Variants in EYS observed in about 807,000 individuals in gnomAD.
The protein encoded by EYS is EGF-like photoreceptor maintenance factor.
In EYS, 250 loss-of-function variants were observed where a neutral mutation model predicts 282.1. The ratio of observed to expected loss-of-function variants is 0.89; its 90% CI spans 0.80 to 0.98. The LOEUF (loss-of-function observed/expected upper bound fraction) is 0.98. EYS is among the 50% of genes least tolerant of loss of function. The pLI, the probability that EYS is intolerant of heterozygous loss-of-function variation, is 0.00. For synonymous variants in EYS, 1,355 were observed against 1,282.9 expected, an observed-to-expected ratio of 1.06 and a Z score of -1.20; for missense variants, 4,016 against 3,709.0, an observed-to-expected ratio of 1.08 and a Z score of -2.15.
At position 63,762,503 on chromosome 6, in the gene EYS, A is replaced by G. The variant is rs1347944304; in HGVS notation, c.8029T>C (p.Cys2677Arg). 1 of 1,550,292 alleles carries G rather than the reference A, an allele frequency of 6.5e-7. No individual in the cohort carries two copies. Among genetic ancestry groups the G allele is most frequent in the Non-Finnish European group, 8.7e-7 (1 of 1,146,000 alleles). Residue 2677 changes from cysteine to arginine, a missense_variant, in exon 41 of 43, where the codon TGT becomes CGT. Transcript: ENST00000503581. The stretch of plus-strand genomic sequence containing the variant: ...CCAGTGGTTCCTAGAGGACAGAAAC[A>G]GGTGTATCCATGAGGTAATGAAATG... ...TCISLPHGYT[C>R]FCPLGTTGIY...
At chr6:65,239,988 AGACAGAGT>A (rs1403714342) in intron 12 of EYS, among the ~76,000 whole-genome samples, 2 of 140,922 alleles carry the variant, frequency 1.4e-5, no homozygotes, top group African/African-American at 2.8e-5. Flanking sequence ...TTTTTTTTTG[AGACAGAGT>A]CTCACTCTGT....
chr6:65,293,695 C>T (rs561364043), intron 12 of EYS, among the ~76,000 whole-genome samples: 4 of 151,906 alleles, frequency 2.6e-5, no homozygotes, highest in African/African-American at 4.8e-5. Context: ...ACATGCTGGA[C>T]GCTAGAGCTA....
chr6:65,281,952 C>T (rs890978954), intron 12 of EYS, among the ~76,000 whole-genome samples: 6 of 151,910 alleles, frequency 3.9e-5, no homozygotes, highest in African/African-American at 1.2e-4. Context: ...TCTGTTGATG[C>T]ATAATAGGTT....
At chr6:64,946,999 G>A (rs185086411) in intron 14 of EYS, among the ~76,000 whole-genome samples, 14 of 151,914 alleles carry the variant, frequency 9.2e-5, no homozygotes, top group Non-Finnish European at 1.9e-4. Context: ...GATAATGCCA[G>A]CCCAGTTTCT....
intron 8 of EYS, among the ~76,000 whole-genome samples, chr6:65,374,210 T>G (rs1343149689): frequency 6.6e-6 from 1 of 151,990 alleles, no homozygotes; most frequent in Non-Finnish European, 1.5e-5. Flanking sequence ...TTGGGACTGG[T>G]TAGGCAGTGA....
chr6:64,726,759 C>T (rs1771771757), intron 22 of EYS, among the ~76,000 whole-genome samples: 1 of 152,054 alleles, frequency 6.6e-6, no homozygotes, highest in Non-Finnish European at 1.5e-5. Flanking sequence ...TGCAAGAAAA[C>T]ATAGCCGAAA....
intron 26 of EYS, among the ~76,000 whole-genome samples, chr6:64,563,436 C>T (rs1765466265): frequency 1.3e-5 from 2 of 151,942 alleles, no homozygotes; most frequent in South Asian, 4.1e-4. Context: ...ATAGAGAAAT[C>T]TCATGTATTC....
intron 35 of EYS, among the ~76,000 whole-genome samples, chr6:63,927,990 C>A (rs1764767060): frequency 6.6e-6 from 1 of 152,188 alleles, no homozygotes; most frequent in South Asian, 2.1e-4. Context: ...TTTCCACTAA[C>A]TTAGAAGAAC....
intron 31 of EYS, among the ~76,000 whole-genome samples, chr6:64,083,382 C>T (rs1484164240): frequency 6.6e-6 from 1 of 152,152 alleles, no homozygotes; most frequent in African/African-American, 2.4e-5. Flanking sequence ...TATGATTTCT[C>T]CTATCCTCCT....
intron 33 of EYS, among the ~76,000 whole-genome samples, chr6:64,008,640 T>C (rs1768462052): frequency 6.6e-6 from 1 of 152,186 alleles, no homozygotes; most frequent in Non-Finnish European, 1.5e-5. Flanking sequence ...TCCTTAAGGA[T>C]TTCTTGCAAT....
chr6:65,689,199 A>G (rs2149843323), intron 1 of EYS, among the ~76,000 whole-genome samples: 1 of 150,412 alleles, frequency 6.6e-6, no homozygotes, highest in South Asian at 2.1e-4. Context: ...CAGCCATAAA[A>G]AAGGATGAAT....
At chr6:65,278,222 G>T (rs1035307573) in intron 12 of EYS, among the ~76,000 whole-genome samples, 1 of 128,014 alleles carries the variant, frequency 7.8e-6, no homozygotes, top group East Asian at 2.7e-4. Context: ...CTGGCTGCTT[G>T]TTAACCTGCA....
chr6:64,937,966 A>C (rs116104004), intron 15 of EYS, among the ~76,000 whole-genome samples: 1,545 of 151,736 alleles, frequency 0.01, 14 homozygotes, highest in African/African-American at 0.036. Context: ...AGTCCTTATA[A>C]CTGCTATGAC....
chr6:65,134,394 A>G (rs1317876173), intron 12 of EYS, among the ~76,000 whole-genome samples: 2 of 152,116 alleles, frequency 1.3e-5, no homozygotes, highest in African/African-American at 4.8e-5. Context: ...GTAAATATAT[A>G]CCATAAAATA....
At chr6:65,470,999 T>G (rs567040178) in intron 5 of EYS, among the ~76,000 whole-genome samples, 2 of 152,068 alleles carry the variant, frequency 1.3e-5, no homozygotes, top group Admixed American at 1.3e-4. Context: ...TAGCTGGGCA[T>G]GGTGGCACGC....
chr6:63,785,502 A>T (rs1167873449), intron 39 of EYS, among the ~76,000 whole-genome samples: 1 of 152,168 alleles, frequency 6.6e-6, no homozygotes, highest in Non-Finnish European at 1.5e-5. Flanking sequence ...AACTGATCTT[A>T]TTAGGGCAGA....
chr6:63,898,104 C>G (rs527707493), intron 35 of EYS, among the ~76,000 whole-genome samples: 1 of 152,182 alleles, frequency 6.6e-6, no homozygotes, highest in Non-Finnish European at 1.5e-5. Context: ...CATGTTACCA[C>G]GCTGGGCCAA....
intron 7 of EYS, among the ~76,000 whole-genome samples, chr6:65,398,980 A>T (rs1242864571): frequency 1.3e-5 from 2 of 152,222 alleles, no homozygotes; most frequent in East Asian, 3.9e-4. Flanking sequence ...CTTCAGCAAA[A>T]GATTGAACTA....
chr6:64,243,349 C>T (rs1265753975), intron 30 of EYS, among the ~76,000 whole-genome samples: 1 of 152,098 alleles, frequency 6.6e-6, no homozygotes, highest in Non-Finnish European at 1.5e-5. Context: ...TTAACACCAC[C>T]AAAACTCATT....
Sources: allele counts gnomAD v4.1 joint callset (sites outside exome capture counted in the v4.1 genomes callset), GRCh38; gene constraint gnomAD v4.1.1; transcripts MANE v1.5; gene names NCBI Gene and HGNC (gene_info 2026-07-23, HGNC 2026-07-21).